The following ADAMTS16 variants were observed in gnomAD, a reference collection of about 807,000 sequenced individuals.
ADAMTS16 encodes A disintegrin and metalloproteinase with thrombospondin motifs 16.
ADAMTS16 carries 94 observed loss-of-function variants against 145.8 expected under a neutral mutation model. That is an observed-to-expected ratio of 0.64 (90% CI 0.55 to 0.77). ADAMTS16 has a LOEUF of 0.77. Among genes scored for constraint, ADAMTS16 ranks in the 30% least tolerant of loss-of-function variants. ADAMTS16 has a pLI of 0.00. For synonymous variants in ADAMTS16, 659 were observed against 604.3 expected, an observed-to-expected ratio of 1.09 and a Z score of -1.33; for missense variants, 1,585 against 1,591.5, an observed-to-expected ratio of 1.00 and a Z score of 0.07.
At chr5:5,252,564 G>A (rs919679604) in intron 17 of ADAMTS16, among the ~76,000 whole-genome samples, 1 of 152,008 alleles carries the variant, frequency 6.6e-6, no homozygotes, top group Non-Finnish European at 1.5e-5. Flanking sequence ...TTAGCGGACC[G>A]CCCCCCTCAT....
intron 22 of ADAMTS16, among the ~76,000 whole-genome samples, 187 bp downstream of exon 22, chr5:5,318,468 A>C (rs6885895): frequency 0.18 from 27,159 of 152,168 alleles, 3,266 homozygotes; most frequent in African/African-American, 0.34. Context: ...ATGATGCCCC[A>C]GGACAACATA....
At chr5:5,162,831 TA>T (rs1387822651) in intron 3 of ADAMTS16, among the ~76,000 whole-genome samples, 1 of 152,088 alleles carries the variant, frequency 6.6e-6, no homozygotes, top group African/African-American at 2.4e-5. Context: ...CACATACATT[TA>T]AAGCATTTTT....
intron 18 of ADAMTS16, among the ~76,000 whole-genome samples, chr5:5,282,404 T>C (rs551492976): frequency 5.9e-4 from 90 of 152,382 alleles, no homozygotes; most frequent in African/African-American, 2.0e-3. Context: ...TTCCCAGTTA[T>C]TCTTCCAATG....
intron 10 of ADAMTS16, among the ~76,000 whole-genome samples, chr5:5,219,750 A>G (rs1251642557): frequency 1.3e-5 from 2 of 152,250 alleles, no homozygotes; most frequent in Non-Finnish European, 2.9e-5. Flanking sequence ...CATGAGCCGA[A>G]TCACAGACTG....
At position 5,184,494 on chromosome 5, in the gene ADAMTS16, G is replaced by C. The variant is rs114310262; in HGVS notation, c.764-1558G>C. 2.3e-3 allele frequency among the ~76,000 whole-genome samples: 347 copies of C among 152,234 alleles called. 1 individual carries two copies. Among genetic ancestry groups the C allele is most frequent in the African/African-American group, 7.7e-3 (319 of 41,534 alleles). ...AGGGCAGTCCTGCTCTTCTGTCTTG[G>C]TGGAATTCACACTTACAATGATTCT... On this transcript the variant is annotated intron_variant, in intron 4 of 22. Coordinates refer to ENST00000274181, the MANE Select transcript of ADAMTS16 (RefSeq NM_139056.4).
At chr5:5,217,659 C>T (rs754519624) in intron 10 of ADAMTS16, among the ~76,000 whole-genome samples, 65 of 152,230 alleles carry the variant, frequency 4.3e-4, no homozygotes, top group Non-Finnish European at 8.4e-4. Flanking sequence ...TGGTGTTAAA[C>T]CTTAACCAAG....
intron 11 of ADAMTS16, among the ~76,000 whole-genome samples, chr5:5,230,699 C>T (rs546509777): frequency 3.3e-5 from 5 of 152,188 alleles, no homozygotes; most frequent in South Asian, 2.1e-4. Context: ...CATGTCAATA[C>T]GCCTTTCTGA....
chr5:5,187,895 A>T, intron 6 of ADAMTS16, 87 bp downstream of exon 6: 1 of 908,976 alleles, frequency 1.1e-6, no homozygotes, highest in Admixed American at 2.5e-5. Flanking sequence ...TAATTGTTCT[A>T]TGGGTTCTTC....
At chr5:5,301,103 G>T (rs952583204) in intron 18 of ADAMTS16, among the ~76,000 whole-genome samples, 2 of 151,928 alleles carry the variant, frequency 1.3e-5, no homozygotes, top group Non-Finnish European at 2.9e-5. Context: ...ACAGAGTCCC[G>T]CTCTGTCACC....
chr5:5,204,520 G>A (rs1736040610), intron 9 of ADAMTS16, among the ~76,000 whole-genome samples: 1 of 152,170 alleles, frequency 6.6e-6, no homozygotes, highest in Admixed American at 6.5e-5. Context: ...CCACCATCCT[G>A]ACATGGAACC....
At chr5:5,276,814 A>T (rs890125903) in intron 18 of ADAMTS16, among the ~76,000 whole-genome samples, 2 of 152,152 alleles carry the variant, frequency 1.3e-5, no homozygotes, top group Non-Finnish European at 2.9e-5. Flanking sequence ...GAGTGTGACC[A>T]CTAGCCTCGT....
At position 5,191,754 on chromosome 5, in the gene ADAMTS16, G is replaced by T. The variant is rs779109874; in HGVS notation, c.1277G>T (p.Gly426Val). The change falls in exon 8 of 23, where the codon GGA becomes GTA. Residue 426 changes from glycine to valine, a missense_variant. This residue lies in a region of ADAMTS16 where 298 missense variants were observed against 367.6 expected (regional missense o/e 0.81). Coordinates refer to ENST00000274181, the MANE Select transcript of ADAMTS16 (RefSeq NM_139056.4). ...SCTINEDTGLGLAFTIAHESG... is the reference protein window; with the variant it reads ...SCTINEDTGLVLAFTIAHESG... ...ACGATTAATGAAGATACAGGTCTTG[G>T]ACTGGCCTTCACCATTGCCCATGAG... 2 of 1,613,680 alleles carry T rather than the reference G, an allele frequency of 1.2e-6. No individual in the cohort carries two copies. Among genetic ancestry groups the T allele is most frequent in the Admixed American group, 1.7e-5 (1 of 59,984 alleles).
chr5:5,255,817 T>A (rs1015778115), intron 17 of ADAMTS16, among the ~76,000 whole-genome samples: 1 of 152,272 alleles, frequency 6.6e-6, no homozygotes, highest in Non-Finnish European at 1.5e-5. Flanking sequence ...CTTTTGTTTC[T>A]ATATCAGATC....
chr5:5,144,859 G>A (rs1343061309), intron 2 of ADAMTS16, among the ~76,000 whole-genome samples: 1 of 152,168 alleles, frequency 6.6e-6, no homozygotes, highest in South Asian at 2.1e-4. Context: ...AGAGTTACAG[G>A]CTCTGTCTTT....
intron 10 of ADAMTS16, among the ~76,000 whole-genome samples, chr5:5,219,933 G>A (rs1736544723): frequency 6.6e-6 from 1 of 152,162 alleles, no homozygotes; most frequent in Non-Finnish European, 1.5e-5. Flanking sequence ...TACTCTGAAT[G>A]GTAGTCTGAA....
rs767752630 is a variant in ADAMTS16, at chr5:5,303,233, C to G, written c.2790-35C>G. The G allele has an allele frequency of 6.7e-6, 10 of 1,501,426 alleles. No individual in the cohort carries two copies. The African/African-American group carries it at 1.4e-4, about 21-fold the overall frequency. 93.0% of individuals were successfully genotyped at this position (1,501,426 alleles called of 1,614,324 possible). A position where few individuals can be genotyped will look rare whatever the true frequency, so the allele number is the denominator to read the frequency against. On this transcript the variant is annotated intron_variant, in intron 18 of 22. Transcript: ENST00000274181. ...GGCCGCTTCTATCAGAGTGATGGAG[C>G]CATCCCTCACCGAGGTCTCTTTGTC...
At chr5:5,143,672 A>G (rs1734223062) in intron 2 of ADAMTS16, among the ~76,000 whole-genome samples, 3 of 152,230 alleles carry the variant, frequency 2.0e-5, no homozygotes, top group Admixed American at 6.5e-5. Flanking sequence ...ATTAAGACAC[A>G]TGCACACATA....
chr5:5,207,194 C>G (rs1443751446), intron 9 of ADAMTS16, among the ~76,000 whole-genome samples: 1 of 152,160 alleles, frequency 6.6e-6, no homozygotes, highest in Non-Finnish European at 1.5e-5. Flanking sequence ...TGAAATATCT[C>G]TCTATTTAGT....
intron 3 of ADAMTS16, among the ~76,000 whole-genome samples, chr5:5,176,695 A>T (rs1031546120): frequency 6.6e-6 from 1 of 152,216 alleles, no homozygotes; most frequent in African/African-American, 2.4e-5. Context: ...GATAATTTGG[A>T]ATAACCAAGG....
Sources: allele counts gnomAD v4.1 joint callset (sites outside exome capture counted in the v4.1 genomes callset), GRCh38; gene constraint gnomAD v4.1.1; regional missense constraint gnomAD v4.1.1; transcripts MANE v1.5; gene names NCBI Gene and HGNC (gene_info 2026-07-23, HGNC 2026-07-21).